FMR1NB: variants seen among roughly 807,000 people sequenced by gnomAD.
The protein encoded by FMR1NB is FMR1 neighbor, also known as FMR1 neighbor protein.
A neutral mutation model predicts 16.8 loss-of-function variants in FMR1NB; 10 were observed. The ratio of observed to expected loss-of-function variants is 0.60; its 90% CI spans 0.37 to 1.01. The LOEUF (loss-of-function observed/expected upper bound fraction) is 1.01. Ranked by LOEUF, FMR1NB falls within the 50% of genes least tolerant of loss-of-function variation. The pLI, the probability that FMR1NB is intolerant of heterozygous loss-of-function variation, is 0.01. For synonymous variants in FMR1NB, 83 were observed against 79.1 expected (o/e 1.05, Z -0.26); for missense variants, 205 against 204.8 (o/e 1.00, Z 0.00).
At chrX:148,000,920 GAA>G (rs1260725334) in intron 1 of FMR1NB, among the ~76,000 whole-genome samples, 2 of 111,805 alleles carry the variant, frequency 1.8e-5, no homozygotes, top group Non-Finnish European at 3.8e-5. Context: ...ATATTGTAAA[GAA>G]AGGAGACAAA....
At chrX:148,017,438 T>C (rs2044655202) in intron 4 of FMR1NB, among the ~76,000 whole-genome samples, 1 of 111,249 alleles carries the variant, frequency 9.0e-6, no homozygotes, top group African/African-American at 3.3e-5. Flanking sequence ...CCTCTGTTAT[T>C]ATTGCTTTGA....
At chrX:148,015,279 G>A (rs889795217) in intron 4 of FMR1NB, among the ~76,000 whole-genome samples, 1 of 110,988 alleles carries the variant, frequency 9.0e-6, no homozygotes, top group Admixed American at 9.6e-5. Flanking sequence ...ACAACTTTTT[G>A]TTTCATTAAT....
intron 2 of FMR1NB, among the ~76,000 whole-genome samples, chrX:148,003,769 C>T (rs1557188841): frequency 1.8e-5 from 2 of 110,885 alleles, no homozygotes; most frequent in Non-Finnish European, 3.8e-5. Flanking sequence ...GATAGAAATC[C>T]CAGGTTTCAA....
chrX:148,010,166 T>C (rs1215659142), intron 4 of FMR1NB, among the ~76,000 whole-genome samples: 3 of 112,605 alleles, frequency 2.7e-5, no homozygotes, highest in African/African-American at 9.7e-5. Flanking sequence ...TCCTTCTTTC[T>C]ACATAGTACA....
At chrX:148,003,988 A>G (rs2044583525) in intron 2 of FMR1NB, among the ~76,000 whole-genome samples, 1 of 112,227 alleles carries the variant, frequency 8.9e-6, no homozygotes, top group African/African-American at 3.2e-5. Context: ...ACAAAATTTG[A>G]TATACTCTAT....
At chrX:148,006,926 C>G in intron 3 of FMR1NB, 84 bp downstream of exon 3, 1 of 1,004,941 alleles carries the variant, frequency 1.0e-6, no homozygotes, top group Non-Finnish European at 1.4e-6. Context: ...TTTGGATTTC[C>G]TAGCTTAATA....
intron 1 of FMR1NB, among the ~76,000 whole-genome samples, chrX:147,986,264 T>C (rs1483540742): frequency 2.7e-5 from 3 of 112,509 alleles, no homozygotes; most frequent in Non-Finnish European, 5.6e-5. Context: ...TCCCATTCTA[T>C]AGGTTGCCTG....
At chrX:148,010,303 G>A (rs894923876) in intron 4 of FMR1NB, among the ~76,000 whole-genome samples, 5 of 112,517 alleles carry the variant, frequency 4.4e-5, no homozygotes, top group African/African-American at 1.6e-4. Context: ...ATCTTGAGCT[G>A]ACTATCATGA....
At chrX:147,996,168 T>C (rs1557188138) in intron 1 of FMR1NB, among the ~76,000 whole-genome samples, 1 of 112,014 alleles carries the variant, frequency 8.9e-6, no homozygotes, top group Admixed American at 9.5e-5. Flanking sequence ...AAGAAAGTTA[T>C]TAATAAAAAT....
intron 4 of FMR1NB, among the ~76,000 whole-genome samples, chrX:148,019,423 A>C (rs1296093573): frequency 8.9e-6 from 1 of 111,919 alleles, no homozygotes; most frequent in Non-Finnish European, 1.9e-5. Context: ...TATTTAGTTC[A>C]TTTGGTGATT....
intron 2 of FMR1NB, among the ~76,000 whole-genome samples, chrX:148,004,934 G>A (rs1557188943): frequency 8.9e-6 from 1 of 112,584 alleles, no homozygotes; most frequent in East Asian, 2.8e-4. Context: ...TCTGTTGCCA[G>A]GCTGGAGTGC....
chrX:148,025,622 T>G (rs1175748991), intron 5 of FMR1NB, among the ~76,000 whole-genome samples: 2 of 111,759 alleles, frequency 1.8e-5, no homozygotes, highest in Non-Finnish European at 3.8e-5. Flanking sequence ...AATAAAATGG[T>G]TGGTGAGAAA....
intron 1 of FMR1NB, among the ~76,000 whole-genome samples, chrX:147,994,058 CA>C (rs2044529136): frequency 9.0e-6 from 1 of 111,538 alleles, no homozygotes; most frequent in African/African-American, 3.3e-5. Context: ...AACCCCCTCA[CA>C]AACGTATTTT....
At chrX:147,989,572 A>G (rs926161643) in intron 1 of FMR1NB, among the ~76,000 whole-genome samples, 14 of 112,014 alleles carry the variant, frequency 1.2e-4, no homozygotes, top group African/African-American at 4.6e-4. Context: ...TGCTCTCTTC[A>G]GAAGTGGCAG....
At chrX:148,010,770 T>C (rs1557189546) in intron 4 of FMR1NB, among the ~76,000 whole-genome samples, 2 of 110,739 alleles carry the variant, frequency 1.8e-5, no homozygotes, top group Non-Finnish European at 3.8e-5. Flanking sequence ...GAAGACCTTT[T>C]TTTGCTCTTT....
intron 1 of FMR1NB, among the ~76,000 whole-genome samples, chrX:147,989,444 G>T (rs2044492749): frequency 8.9e-6 from 1 of 112,030 alleles, no homozygotes. Flanking sequence ...GTCACCCCCT[G>T]TTGGGAGGTC....
intron 4 of FMR1NB, among the ~76,000 whole-genome samples, chrX:148,021,375 A>C (rs2044677202): frequency 1.0e-5 from 1 of 98,354 alleles, no homozygotes; most frequent in Admixed American, 1.1e-4. Context: ...TGCTCCCCTG[A>C]TTTTTGGTTC....
chrX:148,012,021 C>T (rs1557189670), intron 4 of FMR1NB, among the ~76,000 whole-genome samples: 1 of 111,358 alleles, frequency 9.0e-6, no homozygotes, highest in African/African-American at 3.3e-5. Flanking sequence ...TTATTGTGTC[C>T]TTAAGGTTAT....
chrX:147,982,682 A>G (rs2044456293), intron 1 of FMR1NB, among the ~76,000 whole-genome samples: 1 of 108,492 alleles, frequency 9.2e-6, no homozygotes, highest in African/African-American at 3.4e-5. Context: ...TCACGAGGTC[A>G]GGAGATCGAG....
Sources: gnomAD v4.1 joint callset for allele counts (sites outside exome capture counted in the v4.1 genomes callset) on GRCh38, gnomAD v4.1.1 for gene constraint, MANE v1.5 for transcripts, NCBI Gene and HGNC (gene_info 2026-07-23, HGNC 2026-07-21) for gene names.